The following RALGPS1 variants were observed in gnomAD, a reference collection of about 807,000 sequenced individuals.
RALGPS1 encodes ras-specific guanine nucleotide-releasing factor RalGPS1.
In RALGPS1, 19 loss-of-function variants were observed where a neutral mutation model predicts 78.8. The observed-to-expected ratio is 0.24, with a 90% CI of 0.17 to 0.35. The LOEUF is 0.35. Ranked by LOEUF, RALGPS1 falls within the 10% of genes least tolerant of loss-of-function variation. The pLI, the probability that RALGPS1 is intolerant of heterozygous loss-of-function variation, is 1.00. For missense variants in RALGPS1, 454 were observed against 688.3 expected, an observed-to-expected ratio of 0.66 and a Z score of 3.81; for synonymous variants, 228 against 256.3, an observed-to-expected ratio of 0.89 and a Z score of 1.06.
chr9:127,037,544 A>G (rs1052678245), intron 5 of RALGPS1, among the ~76,000 whole-genome samples: 2 of 152,250 alleles, frequency 1.3e-5, no homozygotes, highest in African/African-American at 4.8e-5. Context: ...CTAGGGAGAT[A>G]CTGACTTCAA....
chr9:126,996,149 A>G (rs1362767885), intron 4 of RALGPS1, among the ~76,000 whole-genome samples: 1 of 152,202 alleles, frequency 6.6e-6, no homozygotes, highest in African/African-American at 2.4e-5. Context: ...AACACATTCA[A>G]AAGCTAGCAG....
intron 8 of RALGPS1, among the ~76,000 whole-genome samples, chr9:127,115,904 AG>A (rs1444749034): frequency 6.6e-6 from 1 of 152,190 alleles, no homozygotes; most frequent in Non-Finnish European, 1.5e-5. Context: ...ATCAGCCCGG[AG>A]GCCAGGGAGG....
rs554208781 is a variant in RALGPS1, at chr9:127,069,533, T to C, written c.610+177T>C. ...TTGGTACTTCCCAAGGTTGGAAACC[T>C]GGATTAGGGTGATATACAAGTGATG... On this transcript the variant is annotated intron_variant, in intron 8 of 18. Transcript: ENST00000259351. The C allele has an allele frequency of 9.0e-5, 56 of 624,948 alleles. 1 individual carries two copies. The highest frequency in any genetic ancestry group is 7.7e-4 in the Admixed American group (25 of 32,512). 38.7% of individuals were successfully genotyped at this position (624,948 alleles called of 1,614,324 possible). A position where few individuals can be genotyped will look rare whatever the true frequency, so the allele number is the denominator to read the frequency against.
At chr9:127,202,478 G>A (rs532945779) in intron 14 of RALGPS1, among the ~76,000 whole-genome samples, 3 of 152,130 alleles carry the variant, frequency 2.0e-5, no homozygotes, top group Admixed American at 6.5e-5. Flanking sequence ...TACTGCCCTC[G>A]GTGGGAATGG....
At chr9:126,948,468 C>T (rs2037490790) in intron 1 of RALGPS1, among the ~76,000 whole-genome samples, 1 of 152,146 alleles carries the variant, frequency 6.6e-6, no homozygotes, top group African/African-American at 2.4e-5. Flanking sequence ...TTGCAGTGAG[C>T]TGAGATTGCA....
At position 127,219,125 on chromosome 9, in the gene RALGPS1, T is replaced by G; in HGVS notation, c.*356T>G. On this transcript the variant is annotated 3_prime_UTR_variant, in exon 19 of 19. Transcript: ENST00000259351. This position sits in a 1 kb window ranked among gnomAD's most constrained non-coding sequence, Gnocchi z 5.0. ...ACAGAGTGGACAGCGCTAACTAACCTGTGAGAGGGGCCCGAGAGAAGGAAC... is the reference window on the plus strand; with the variant it reads ...ACAGAGTGGACAGCGCTAACTAACCGGTGAGAGGGGCCCGAGAGAAGGAAC... The G allele has an allele frequency of 3.3e-6, 1 of 304,120 alleles. No individual in the cohort carries two copies. Among genetic ancestry groups the G allele is most frequent in the Non-Finnish European group, 6.3e-6 (1 of 158,190 alleles). 18.8% of individuals were successfully genotyped at this position (304,120 alleles called of 1,614,324 possible).
chr9:127,102,436 C>T (rs1255802292), intron 8 of RALGPS1, among the ~76,000 whole-genome samples: 1 of 152,178 alleles, frequency 6.6e-6, no homozygotes, highest in African/African-American at 2.4e-5. Context: ...TAGCTGGCCA[C>T]AGATGCCTGA....
chr9:127,158,518 A>T (rs1203984312), intron 8 of RALGPS1, among the ~76,000 whole-genome samples: 1 of 152,076 alleles, frequency 6.6e-6, no homozygotes, highest in Non-Finnish European at 1.5e-5. Context: ...AATATTGTTC[A>T]TCTGTGTCTT....
intron 10 of RALGPS1, among the ~76,000 whole-genome samples, chr9:127,170,385 G>A (rs1020751944): frequency 2.0e-5 from 3 of 152,168 alleles, no homozygotes; most frequent in Non-Finnish European, 2.9e-5. Context: ...ATGATCTTTT[G>A]CAACATAGAC....
chr9:126,949,765 C>T (rs1031674856), intron 1 of RALGPS1, among the ~76,000 whole-genome samples: 3 of 151,374 alleles, frequency 2.0e-5, no homozygotes, highest in African/African-American at 7.3e-5. Flanking sequence ...TTGTAGGTTG[C>T]CTGTTCACTC....
intron 1 of RALGPS1, among the ~76,000 whole-genome samples, chr9:126,933,039 G>A (rs1471775335): frequency 6.6e-6 from 1 of 152,154 alleles, no homozygotes; most frequent in African/African-American, 2.4e-5. Flanking sequence ...TGGTGGTGAA[G>A]CTGGCGAGGG....
intron 1 of RALGPS1, among the ~76,000 whole-genome samples, chr9:126,943,381 G>C (rs2036957753): frequency 6.6e-6 from 1 of 152,138 alleles, no homozygotes; most frequent in Admixed American, 6.5e-5. Context: ...GACCTCAAGT[G>C]ATCTGCCCTC....
chr9:127,212,772 A>T lies in RALGPS1; in HGVS notation c.1446+53A>T. 2 of 1,531,298 alleles carry T rather than the reference A, an allele frequency of 1.3e-6. No individual in the cohort carries two copies. The highest frequency in any genetic ancestry group is 2.3e-5 in the South Asian group (2 of 87,344). The allele number at this position is 1,531,298 out of a possible 1,614,324, so 94.9% of individuals were successfully genotyped here. ...TGGGACTTCCTCTAGTGGGGAAGGG[A>T]CCTCTGTGAACTGTGGAGGATGGGG... On this transcript the variant is annotated intron_variant, in intron 16 of 18. Coordinates refer to ENST00000259351, the MANE Select transcript of RALGPS1 (RefSeq NM_014636.3). The surrounding 1 kb of genome is among the most constrained non-coding windows in gnomAD (Gnocchi z 6.0).
intron 4 of RALGPS1, among the ~76,000 whole-genome samples, chr9:126,979,546 C>G (rs1180875768): frequency 2.0e-5 from 3 of 152,130 alleles, no homozygotes; most frequent in South Asian, 2.1e-4. Flanking sequence ...TATTCTTCAT[C>G]CGAACATCAA....
chr9:127,171,078 T>A (rs918640714), intron 10 of RALGPS1, among the ~76,000 whole-genome samples: 1 of 152,226 alleles, frequency 6.6e-6, no homozygotes, highest in African/African-American at 2.4e-5. Flanking sequence ...CCCATCTGCT[T>A]TGGAGATGTT....
intron 11 of RALGPS1, among the ~76,000 whole-genome samples, chr9:127,186,889 A>G (rs2060684786): frequency 6.6e-6 from 1 of 152,208 alleles, no homozygotes; most frequent in Non-Finnish European, 1.5e-5. Context: ...GGGAGAGTCA[A>G]GAATTGAATG....
Position 127,212,602 on chromosome 9 carries a change from C to T in RALGPS1, c.1354-25C>T. On this transcript the variant is annotated intron_variant, in intron 15 of 18. Coordinates refer to ENST00000259351, the MANE Select transcript of RALGPS1 (RefSeq NM_014636.3). The surrounding 1 kb of genome is among the most constrained non-coding windows in gnomAD (Gnocchi z 6.0). ...CTACCCCCACGACCCCTGGTGGCAT[C>T]ACTCAGCCTCCCCTTCCTCTGTAGC... The T allele has an allele frequency of 6.5e-7, 1 of 1,546,532 alleles. No homozygotes were observed.
intron 1 of RALGPS1, among the ~76,000 whole-genome samples, chr9:126,938,022 A>G (rs1265222846): frequency 6.6e-6 from 1 of 152,140 alleles, no homozygotes; most frequent in Non-Finnish European, 1.5e-5. Context: ...ACTTTTGGGG[A>G]ACATGATCTG....
At chr9:127,051,052 G>T (rs1388409496) in intron 6 of RALGPS1, among the ~76,000 whole-genome samples, 2 of 152,230 alleles carry the variant, frequency 1.3e-5, no homozygotes, top group Non-Finnish European at 2.9e-5. Context: ...AATCGGAGTC[G>T]TGCCTCTCTG....
Sources: gnomAD v4.1 joint callset for allele counts (sites outside exome capture counted in the v4.1 genomes callset) on GRCh38, gnomAD v4.1.1 for gene constraint, Gnocchi (gnomAD v3.1) non-coding constraint, MANE v1.5 for transcripts, NCBI Gene and HGNC (gene_info 2026-07-23, HGNC 2026-07-21) for gene names.